The following CIMIP2A variants were observed in gnomAD, a reference collection of about 807,000 sequenced individuals.
CIMIP2A encodes family with sequence similarity 166 member A.
At chr9:137,247,618 G>A in the CIMIP2A span, 2 of 1,590,358 alleles carry the variant, frequency 1.3e-6, no homozygotes, top group Non-Finnish European at 1.7e-6. Context: ...TCCCCCTCCT[G>A]CAGCCCTGGC....
the CIMIP2A span, among the ~76,000 whole-genome samples, chr9:137,246,323 C>T: frequency 1.8e-4 from 27 of 152,200 alleles, no homozygotes; most frequent in Non-Finnish European, 3.5e-4. Context: ...GCCTCCTGCA[C>T]GGGAAGAGAA....
chr9:137,245,871 G>T, the CIMIP2A span: 2 of 1,493,372 alleles, frequency 1.3e-6, no homozygotes, highest in African/African-American at 1.4e-5. Flanking sequence ...GGGAAGAGAA[G>T]AAGGCAGGGC....
the CIMIP2A span, chr9:137,244,773 C>T: frequency 6.2e-7 from 1 of 1,602,674 alleles, no homozygotes; most frequent in Admixed American, 1.7e-5. Context: ...CCCCAAGCCC[C>T]CTTAGCCTTC....
At chr9:137,252,314 T>C in the CIMIP2A span, 2 of 1,312,278 alleles carry the variant, frequency 1.5e-6, no homozygotes, top group Non-Finnish European at 2.1e-6. Context: ...GGCTGGGGCA[T>C]GGGTGGACAT....
At chr9:137,245,036 G>T in the CIMIP2A span, 1 of 1,609,844 alleles carries the variant, frequency 6.2e-7, no homozygotes, top group African/African-American at 1.3e-5. Context: ...CACACTGCAA[G>T]AACCTTGTGG....
At chr9:137,252,019 T>C in the CIMIP2A span, 2 of 1,612,274 alleles carry the variant, frequency 1.2e-6, no homozygotes, top group South Asian at 1.1e-5. Context: ...CAACGCCCCC[T>C]GATCACAGCT....
the CIMIP2A span, chr9:137,247,730 G>C: frequency 6.2e-7 from 1 of 1,612,626 alleles, no homozygotes; most frequent in South Asian, 1.1e-5. Context: ...CTTTCACTCT[G>C]GCCTTGCTGG....
chr9:137,244,378 G>C, the CIMIP2A span: 9 of 1,591,136 alleles, frequency 5.7e-6, no homozygotes, highest in Non-Finnish European at 6.9e-6. Flanking sequence ...CCGGAGGGCC[G>C]GCACTCCGTG....
the CIMIP2A span, among the ~76,000 whole-genome samples, chr9:137,246,411 G>C: frequency 6.6e-6 from 1 of 152,214 alleles, no homozygotes; most frequent in African/African-American, 2.4e-5. Context: ...GGTCACAGGC[G>C]GTTCAGCGCC....
chr9:137,243,719 T>G, the CIMIP2A span: 13 of 1,614,176 alleles, frequency 8.1e-6, no homozygotes, highest in Non-Finnish European at 1.1e-5. Flanking sequence ...GTGGTTTCGC[T>G]TTGCCCATTC....
At chr9:137,252,565 G>A in the CIMIP2A span, 3 of 1,509,738 alleles carry the variant, frequency 2.0e-6, no homozygotes, top group Non-Finnish European at 2.7e-6. Context: ...AGTCCACGCA[G>A]GCAGGGGGCT....
chr9:137,245,959 G>A, the CIMIP2A span: 1 of 968,410 alleles, frequency 1.0e-6, no homozygotes, highest in Non-Finnish European at 1.4e-6. Flanking sequence ...CCACTTAGCA[G>A]CAGGTTGGCC....
At chr9:137,252,410 TTC>T in the CIMIP2A span, 6 of 1,601,492 alleles carry the variant, frequency 3.7e-6, no homozygotes, top group East Asian at 2.2e-5. Flanking sequence ...GCTCCCAGCC[TTC>T]TCTCTCTCCA....
At chr9:137,247,550 TG>T in the CIMIP2A span, 1 of 1,022,202 alleles carries the variant, frequency 9.8e-7, no homozygotes, top group South Asian at 1.4e-5. Flanking sequence ...TTCAGTTTCC[TG>T]GGGTCCAGCT....
chr9:137,251,543 G>A, the CIMIP2A span: 33 of 956,778 alleles, frequency 3.4e-5, no homozygotes, highest in Middle Eastern at 3.3e-4. Flanking sequence ...GGCTGGGAGC[G>A]GCCAGGGGCT....
chr9:137,247,609 C>T, the CIMIP2A span: 2 of 1,564,116 alleles, frequency 1.3e-6, no homozygotes, highest in Non-Finnish European at 1.8e-6. Flanking sequence ...CAGCCATTCT[C>T]CCCCTCCTGC....
chr9:137,252,747 C>T, the CIMIP2A span: 3 of 1,558,378 alleles, frequency 1.9e-6, no homozygotes, highest in East Asian at 2.4e-5. Context: ...GCTTCCAAGA[C>T]ACCTGAAGGC....
At chr9:137,253,437 C>G in the CIMIP2A span, 75 of 1,441,328 alleles carry the variant, frequency 5.2e-5, no homozygotes, top group Non-Finnish European at 6.6e-5. Context: ...CTGGATCCCC[C>G]ATCTGCCCAT....
the CIMIP2A span, chr9:137,244,092 A>G: frequency 1.4e-6 from 2 of 1,392,292 alleles, no homozygotes; most frequent in African/African-American, 2.8e-5. Context: ...CTGAACCAGC[A>G]ATGAAGGGTG....
Sources: gnomAD v4.1 joint callset for allele counts (sites outside exome capture counted in the v4.1 genomes callset) on GRCh38, gnomAD v4.1.1 for gene constraint, MANE v1.5 for transcripts, NCBI Gene and HGNC (gene_info 2026-07-23, HGNC 2026-07-21) for gene names.